The following CCDC85C variants were observed in gnomAD, a reference collection of about 807,000 sequenced individuals.
The protein encoded by CCDC85C is coiled-coil domain containing 85C.
A neutral mutation model predicts 38.3 loss-of-function variants in CCDC85C; 18 were observed. The ratio of observed to expected loss-of-function variants is 0.47; its 90% CI spans 0.33 to 0.70. CCDC85C has a LOEUF of 0.70. Ranked by LOEUF, CCDC85C falls within the 30% of genes least tolerant of loss-of-function variation. The pLI is 0.03. For synonymous variants in CCDC85C, 264 were observed against 293.8 expected, an observed-to-expected ratio of 0.90 and a Z score of 1.04; for missense variants, 566 against 621.2, an observed-to-expected ratio of 0.91 and a Z score of 0.94.
At chr14:99,571,832 G>C (rs1316644212) in intron 1 of CCDC85C, among the ~76,000 whole-genome samples, 1 of 152,174 alleles carries the variant, frequency 6.6e-6, no homozygotes, top group Non-Finnish European at 1.5e-5. Context: ...CCAGTGAGCT[G>C]ATCAGAACAA....
intron 1 of CCDC85C, among the ~76,000 whole-genome samples, chr14:99,565,962 C>T (rs1898208413): frequency 6.6e-6 from 1 of 152,222 alleles, no homozygotes; most frequent in African/African-American, 2.4e-5. Flanking sequence ...CTGCTCCAGC[C>T]CCGAGCCCAG....
In CCDC85C at chr14:99,541,913, T is replaced by C. The variant is rs945899304; in HGVS notation, c.794-5825A>G. ...ACACAGAGCCTGACTCTCCAGTTGC[T>C]GTGCACCCTCCCCAGGTCTGCCTCC... is the stretch of plus-strand genomic sequence containing the variant. On this transcript the variant is annotated intron_variant, in intron 1 of 5. Coordinates refer to ENST00000380243, the MANE Select transcript of CCDC85C (RefSeq NM_001144995.2). Among the ~76,000 whole-genome samples the C allele has an allele frequency of 2.0e-5, 3 of 152,224 alleles. No individual in the cohort carries two copies. The South Asian group carries it at 6.2e-4, about 32-fold the overall frequency.
rs1411787884 is a variant in CCDC85C at position 99,505,332 on chromosome 14, A to AG, written c.*9913dup. On this transcript the variant is annotated 3_prime_UTR_variant, in exon 6 of 6. Coordinates refer to ENST00000380243, the MANE Select transcript of CCDC85C (RefSeq NM_001144995.2). ...ACTCAGCTGCACTGTGCCATGCCGAAGGCTACTGGCTGCAGAGGGCTGCAA... is the reference window on the plus strand; with the variant it reads ...ACTCAGCTGCACTGTGCCATGCCGAAGGGCTACTGGCTGCAGAGGGCTGCAA... 1.3e-5 allele frequency: 2 copies of AG among 152,234 alleles called. No individual in the cohort carries two copies. Among genetic ancestry groups the AG allele is most frequent in the African/African-American group, 4.8e-5 (2 of 41,452 alleles). The allele number at this position is 152,234 out of a possible 1,614,324, so 9.4% of individuals were successfully genotyped here.
intron 3 of CCDC85C, among the ~76,000 whole-genome samples, chr14:99,518,939 C>T (rs1897266758): frequency 6.6e-6 from 1 of 152,094 alleles, no homozygotes; most frequent in African/African-American, 2.4e-5. Flanking sequence ...ACCTCCAGGG[C>T]ATTCCCGGGG....
chr14:99,582,506 T>A (rs1443652401), intron 1 of CCDC85C, among the ~76,000 whole-genome samples: 1 of 151,390 alleles, frequency 6.6e-6, no homozygotes, highest in Non-Finnish European at 1.5e-5. Flanking sequence ...TTGGATAGGA[T>A]CCTGAACAGA....
At chr14:99,531,618 C>T (rs923944979) in intron 2 of CCDC85C, among the ~76,000 whole-genome samples, 9 of 151,512 alleles carry the variant, frequency 5.9e-5, no homozygotes, top group African/African-American at 2.2e-4. Context: ...AGTAGGAATC[C>T]AGGGAGGCTC....
chr14:99,523,253 G>A (rs940521009), intron 2 of CCDC85C, among the ~76,000 whole-genome samples: 4 of 152,144 alleles, frequency 2.6e-5, no homozygotes, highest in African/African-American at 9.7e-5. Context: ...CCATGTCTGG[G>A]GTCCCAGTTC....
chr14:99,575,809 G>A lies in CCDC85C; in HGVS notation c.793+27358C>T, dbSNP rs565361674. On this transcript the variant is annotated intron_variant, in intron 1 of 5. Transcript: ENST00000380243. Reference sequence around the variant, plus strand: ...GTAGGGAGCTGGCTTCCAGGGCAAGGGGCCCACCCAGGGACACCCAGGCTG... The same window carrying A: ...GTAGGGAGCTGGCTTCCAGGGCAAGAGGCCCACCCAGGGACACCCAGGCTG... Among the ~76,000 whole-genome samples, 7 of 152,284 alleles carry A rather than the reference G, an allele frequency of 4.6e-5. No individual in the cohort carries two copies. The East Asian group carries it at 1.4e-3, about 29-fold the overall frequency.
intron 1 of CCDC85C, among the ~76,000 whole-genome samples, chr14:99,547,197 A>G (rs563647164): frequency 7.9e-4 from 120 of 152,204 alleles, no homozygotes; most frequent in Admixed American, 1.2e-3. Flanking sequence ...CCCGTCTCTA[A>G]AAATCATAAA....
At chr14:99,584,407 C>A (rs1447028346) in intron 1 of CCDC85C, among the ~76,000 whole-genome samples, 4 of 152,152 alleles carry the variant, frequency 2.6e-5, no homozygotes, top group Non-Finnish European at 4.4e-5. Flanking sequence ...GGTGCTCCTG[C>A]CCCCATCCAG....
At chr14:99,538,923 G>A (rs1897658718) in intron 1 of CCDC85C, among the ~76,000 whole-genome samples, 3 of 152,110 alleles carry the variant, frequency 2.0e-5, no homozygotes, top group South Asian at 4.1e-4. Context: ...GAACCCACAG[G>A]CTACCATCCC....
chr14:99,580,234 C>T, intron 1 of CCDC85C: 1 of 421,352 alleles, frequency 2.4e-6, no homozygotes, highest in Non-Finnish European at 4.7e-6. Context: ...CCCAGGGACA[C>T]AGCCCACGTG....
intron 1 of CCDC85C, among the ~76,000 whole-genome samples, chr14:99,568,072 G>C (rs971448180): frequency 1.3e-5 from 2 of 152,030 alleles, no homozygotes; most frequent in African/African-American, 4.8e-5. Flanking sequence ...ACTGGTCCCA[G>C]ACTGGCCTGG....
rs1245956669 is a variant in CCDC85C, at chr14:99,604,049, C to T, written c.-90G>A. 5.1e-6 allele frequency: 5 copies of T among 974,184 alleles called. No homozygotes were observed. Among genetic ancestry groups the T allele is most frequent in the Non-Finnish European group, 6.0e-6 (5 of 826,540 alleles). The allele number at this position is 974,184 out of a possible 1,614,324, so 60.3% of individuals were successfully genotyped here. ...TCCGCTGGGCCGGTCCGCGCGCGGGCGGGGGGCGGCCGGGGGCGCGTGCGG... is the reference window on the plus strand; with the variant it reads ...TCCGCTGGGCCGGTCCGCGCGCGGGTGGGGGGCGGCCGGGGGCGCGTGCGG... On this transcript the variant is annotated 5_prime_UTR_variant, in exon 1 of 6. Coordinates refer to ENST00000380243, the MANE Select transcript of CCDC85C (RefSeq NM_001144995.2).
intron 2 of CCDC85C, chr14:99,534,935 G>A: frequency 1.7e-6 from 1 of 572,886 alleles, no homozygotes; most frequent in African/African-American, 1.9e-5. Context: ...GGGGTGTGGA[G>A]GAGAGTTCAC....
intron 1 of CCDC85C, among the ~76,000 whole-genome samples, chr14:99,586,684 G>A (rs1400791629): frequency 6.6e-6 from 1 of 152,170 alleles, no homozygotes; most frequent in African/African-American, 2.4e-5. Flanking sequence ...ATTTCCAGAT[G>A]CCAACTCATC....
At chr14:99,600,795 C>A (rs1347494187) in intron 1 of CCDC85C, among the ~76,000 whole-genome samples, 1 of 152,240 alleles carries the variant, frequency 6.6e-6, no homozygotes, top group Non-Finnish European at 1.5e-5. Context: ...ACCACCCAGA[C>A]AGAGACTCAT....
intron 2 of CCDC85C, among the ~76,000 whole-genome samples, chr14:99,525,831 C>A (rs572507434): frequency 2.0e-5 from 3 of 152,206 alleles, no homozygotes; most frequent in Non-Finnish European, 4.4e-5. Flanking sequence ...CCACCTGGCG[C>A]GACTCTGGAC....
At chr14:99,562,683 CA>C (rs1898140260) in intron 1 of CCDC85C, among the ~76,000 whole-genome samples, 1 of 152,190 alleles carries the variant, frequency 6.6e-6, no homozygotes, top group African/African-American at 2.4e-5. Context: ...CTCACGGAAA[CA>C]GAAGGTCACA....
Sources: gnomAD v4.1 joint callset for allele counts (sites outside exome capture counted in the v4.1 genomes callset) on GRCh38, gnomAD v4.1.1 for gene constraint, MANE v1.5 for transcripts, NCBI Gene and HGNC (gene_info 2026-07-23, HGNC 2026-07-21) for gene names.